ADAMTSL2: variants seen among roughly 807,000 people sequenced by gnomAD.
ADAMTSL2 encodes the protein ADAMTS like 2.
ADAMTSL2 carries 55 observed loss-of-function variants against 117.0 expected under a neutral mutation model. The observed-to-expected ratio is 0.47, with a 90% CI of 0.38 to 0.59. The LOEUF is 0.59. ADAMTSL2 is among the 20% of genes least tolerant of loss of function. The pLI is 0.00. For synonymous variants in ADAMTSL2, 572 were observed against 566.4 expected (o/e 1.01, Z -0.14); for missense variants, 1,182 against 1,354.5 (o/e 0.87, Z 2.00).
chr9:133,540,540 T>C, intron 5 of ADAMTSL2, 58 bp from the exon 6 acceptor site: 1 of 1,597,950 alleles, frequency 6.3e-7, no homozygotes, highest in Non-Finnish European at 8.5e-7. Flanking sequence ...AGGGAAGTCC[T>C]CTGAATCCGG....
At position 133,536,581 on chromosome 9, in the gene ADAMTSL2, G is replaced by A. The variant is rs753539826; in HGVS notation, c.-132G>A. ...CCAACAGGGTCTGCCAGACAACCAC[G>A]ACCAACTAGTCCCAGATAACCTTGA... is the stretch of plus-strand genomic sequence containing the variant. On this transcript the variant is annotated 5_prime_UTR_variant, in exon 2 of 19. Coordinates refer to ENST00000651351, the MANE Select transcript of ADAMTSL2 (RefSeq NM_014694.4). 1.4e-5 allele frequency: 22 copies of A among 1,596,968 alleles called. No homozygotes were observed. The highest frequency in any genetic ancestry group is 1.8e-5 in the Admixed American group (1 of 56,818).
intron 2 of ADAMTSL2, 54 bp from the exon 3 acceptor site, chr9:133,537,351 C>G (rs1036559077): frequency 7.8e-5 from 103 of 1,328,254 alleles, no homozygotes; most frequent in Admixed American, 4.9e-4. Flanking sequence ...TGGGGGCAGG[C>G]TGGTCCTCCT....
Position 133,554,668 on chromosome 9 carries a change from G to A in ADAMTSL2, c.1251G>A (p.Gly417=), listed in dbSNP as rs1221090225. Residue 417 remains glycine, a synonymous_variant, in exon 10 of 19, where the codon GGG becomes GGA. Coordinates refer to ENST00000651351, the MANE Select transcript of ADAMTSL2 (RefSeq NM_014694.4). The surrounding 1 kb of genome is among the most constrained non-coding windows in gnomAD (Gnocchi z 5.2). ...CEQAGGGACE[G]PPRGKGFRDR... ...AGGCCGGCGGCGGGGCCTGCGAGGG[G>A]CCCCCCAGGGGCAAGGGCTTCCGAG... is the stretch of plus-strand genomic sequence containing the variant. 9 of 1,516,012 alleles carry A rather than the reference G, an allele frequency of 5.9e-6. No homozygotes were observed. In the South Asian group the frequency reaches 8.7e-5, roughly 15 times the overall value. The allele number at this position is 1,516,012 out of a possible 1,614,324, so 93.9% of individuals were successfully genotyped here.
Position 133,569,401 on chromosome 9 carries a change from C to A in ADAMTSL2, c.2245-7C>A. 6.2e-7 allele frequency: 1 copy of A among 1,613,110 alleles called. No individual in the cohort carries two copies. The highest frequency in any genetic ancestry group is 1.1e-5 in the South Asian group (1 of 90,922). Reference sequence around the variant, plus strand: ...TGGATGTCCCCTGCCTGTCCTCTCCCCTGCAGTGCAGTGGAAGCTGCGGGC... The same window carrying A: ...TGGATGTCCCCTGCCTGTCCTCTCCACTGCAGTGCAGTGGAAGCTGCGGGC... On this transcript the variant is annotated splice_region_variant and splice_polypyrimidine_tract_variant and intron_variant, in intron 15 of 18. Transcript: ENST00000651351.
intron 15 of ADAMTSL2, among the ~76,000 whole-genome samples, chr9:133,569,156 G>T (rs1262423072): frequency 6.6e-6 from 1 of 152,072 alleles, no homozygotes; most frequent in Non-Finnish European, 1.5e-5. Flanking sequence ...ATGCTCAGAT[G>T]CTAGCTGGGG....
chr9:133,569,341 C>T, intron 15 of ADAMTSL2, 67 bp from the exon 16 acceptor site: 7 of 1,549,230 alleles, frequency 4.5e-6, no homozygotes, highest in Non-Finnish European at 2.7e-6. Flanking sequence ...TTGGGACTGA[C>T]ATCCAGGGCC....
chr9:133,562,153 A>G (rs1288017227), intron 12 of ADAMTSL2, among the ~76,000 whole-genome samples: 1 of 152,224 alleles, frequency 6.6e-6, no homozygotes, highest in Non-Finnish European at 1.5e-5. Flanking sequence ...ATGCCCTTGC[A>G]GTCTCTGGCC....
At chr9:133,540,810 G>C in intron 6 of ADAMTSL2, 67 bp downstream of exon 6, 2 of 1,613,338 alleles carry the variant, frequency 1.2e-6, no homozygotes, top group Non-Finnish European at 1.7e-6. Context: ...GCCTGTGGGA[G>C]GCAGTGGCGG....
At chr9:133,564,314 AAG>A (rs200165980) in intron 12 of ADAMTSL2, among the ~76,000 whole-genome samples, 54 of 4,990 alleles carry the variant, frequency 0.011, 4 homozygotes, top group Non-Finnish European at 0.016. Context: ...GAGAGAGAGA[AAG>A]AGAGAGGGAG....
chr9:133,555,475 C>T (rs984658825), intron 10 of ADAMTSL2, 83 bp from the exon 11 acceptor site: 1 of 1,573,350 alleles, frequency 6.4e-7, no homozygotes, highest in Non-Finnish European at 8.7e-7. Flanking sequence ...TTCTGGCCCC[C>T]TCGTCCAGGT....
chr9:133,553,924 C>T (rs1375439538), intron 9 of ADAMTSL2, among the ~76,000 whole-genome samples: 1 of 152,238 alleles, frequency 6.6e-6, no homozygotes, highest in Non-Finnish European at 1.5e-5. Context: ...CTGGCCTGGG[C>T]AGTGGGGCTC....
chr9:133,570,388 G>A lies in ADAMTSL2; in HGVS notation c.2473G>A (p.Ala825Thr). The change falls in exon 17 of 19, where the codon GCC (alanine) becomes ACC (threonine). Residue 825 changes from alanine (A) to threonine (T), a missense_variant. Coordinates refer to ENST00000651351, the MANE Select transcript of ADAMTSL2 (RefSeq NM_014694.4). ...GCGGCTGGTGCTCTGCATGGAGCTGGCCAACGGGAAGCCGCAGACGCGCAG... is the reference window on the plus strand; with the variant it reads ...GCGGCTGGTGCTCTGCATGGAGCTGACCAACGGGAAGCCGCAGACGCGCAG... ...KKRLVLCMEL[A>T]NGKPQTRSGP... 7 of 1,568,288 alleles carry A rather than the reference G, an allele frequency of 4.5e-6. No individual in the cohort carries two copies. The highest frequency in any genetic ancestry group is 6.0e-6 in the Non-Finnish European group (7 of 1,158,238).
chr9:133,540,183 T>C (rs997332908), intron 5 of ADAMTSL2, among the ~76,000 whole-genome samples: 1 of 152,048 alleles, frequency 6.6e-6, no homozygotes, highest in Non-Finnish European at 1.5e-5. Context: ...GCCTAGACGA[T>C]CCCAAACGGA....
chr9:133,561,157 T>C (rs113260614), intron 11 of ADAMTSL2, 41 bp from the exon 12 acceptor site: 5 of 1,537,840 alleles, frequency 3.3e-6, no homozygotes, highest in Non-Finnish European at 3.5e-6. Context: ...CGGTGGGGCC[T>C]GGAGCGTCTC....
intron 7 of ADAMTSL2, among the ~76,000 whole-genome samples, chr9:133,542,233 G>A (rs1472942464): frequency 3.3e-5 from 5 of 152,226 alleles, no homozygotes; most frequent in Admixed American, 1.3e-4. Flanking sequence ...AGGGACGGGC[G>A]TGCCGGACTG....
intron 17 of ADAMTSL2, among the ~76,000 whole-genome samples, chr9:133,572,441 G>A (rs1831129766): frequency 6.6e-6 from 1 of 152,202 alleles, no homozygotes; most frequent in African/African-American, 2.4e-5. Context: ...GAAAGGCTAA[G>A]CCCGGTGGGA....
chr9:133,545,921 C>T (rs1033438898), intron 8 of ADAMTSL2, among the ~76,000 whole-genome samples: 5 of 152,074 alleles, frequency 3.3e-5, no homozygotes, highest in Admixed American at 6.5e-5. Context: ...GACTTTTCTA[C>T]GTGAAGGGGG....
chr9:133,534,684 G>A (rs1564489606), upstream of ADAMTSL2: 2 of 1,351,398 alleles, frequency 1.5e-6, no homozygotes, highest in East Asian at 3.1e-5. Flanking sequence ...TATAAAGGCG[G>A]CCGCCGGCGC....
At position 133,560,573 on chromosome 9, in the gene ADAMTSL2, C is replaced by T. The variant is rs932497192; in HGVS notation, c.1650-625C>T. Among the ~76,000 whole-genome samples the T allele has an allele frequency of 3.0e-3, 461 of 152,374 alleles. 1 individual carries two copies. The highest frequency in any genetic ancestry group is 0.011 in the African/African-American group (447 of 41,596). ...CATAGGCTCCAGCCAAGAATCATAG[C>T]TGGTGGCTGGCTGGGACCCAGCGTG... On this transcript the variant is annotated intron_variant, in intron 11 of 18. Coordinates refer to ENST00000651351, the MANE Select transcript of ADAMTSL2 (RefSeq NM_014694.4).
Sources: gnomAD v4.1 joint callset for allele counts (sites outside exome capture counted in the v4.1 genomes callset) on GRCh38, gnomAD v4.1.1 for gene constraint, Gnocchi (gnomAD v3.1) non-coding constraint, MANE v1.5 for transcripts, NCBI Gene and HGNC (gene_info 2026-07-23, HGNC 2026-07-21) for gene names.